The following TSHZ3 variants were observed in gnomAD, a reference collection of about 807,000 sequenced individuals.
TSHZ3 encodes the protein teashirt homolog 3.
Under a neutral mutation model 64.5 loss-of-function variants are expected in TSHZ3, and 10 were observed. The ratio of observed to expected loss-of-function variants is 0.16; its 90% CI spans 0.10 to 0.26. TSHZ3 has a LOEUF of 0.26. Among genes scored for constraint, TSHZ3 ranks in the 10% least tolerant of loss-of-function variants. The pLI, the probability that TSHZ3 is intolerant of heterozygous loss-of-function variation, is 1.00. For missense variants in TSHZ3, 1,242 were observed against 1,421.7 expected, an observed-to-expected ratio of 0.87 and a Z score of 2.03; for synonymous variants, 608 against 593.1, an observed-to-expected ratio of 1.03 and a Z score of -0.36.
At chr19:31,218,223 T>A (rs1464520311) in intron 4 of TSHZ3, among the ~76,000 whole-genome samples, 1 of 152,124 alleles carries the variant, frequency 6.6e-6, no homozygotes, top group African/African-American at 2.4e-5. Context: ...ACAATCCAGC[T>A]TAAAAATGGG....
At position 31,276,722 on chromosome 19, in the gene TSHZ3, G is replaced by C; in HGVS notation, c.3071C>G (p.Pro1024Arg). The C allele has an allele frequency of 6.2e-7, 1 of 1,613,346 alleles. No individual in the cohort carries two copies. Among genetic ancestry groups the C allele is most frequent in the Non-Finnish European group, 8.5e-7 (1 of 1,179,416 alleles). Residue 1024 changes from proline (P) to arginine (R), a missense_variant, in exon 2 of 2, where the codon CCG becomes CGG. Pro to Arg is a moderately radical substitution (Grantham distance 103). This residue lies in a region of TSHZ3 where 126 missense variants were observed against 140.6 expected (regional missense o/e 0.90). Transcript: ENST00000240587. ...INSQIAQTKS[P>R]SEKMVTSSPE... ...GGAGGACGTCACCATTTTTTCTGAC[G>C]GTGACTTGGTTTGTGCTATCTGACT...
chr19:31,301,156 C>T (rs1370312845), intron 1 of TSHZ3, among the ~76,000 whole-genome samples: 3 of 151,742 alleles, frequency 2.0e-5, no homozygotes, highest in Non-Finnish European at 4.4e-5. Context: ...TGGGTGGGGG[C>T]CTATGTGGGT....
rs79900845 is a variant in TSHZ3, at chr19:31,258,732, G to A, written n.64-15857C>T. On this transcript the variant is annotated intron_variant and non_coding_transcript_variant, in intron 1 of 6. Coordinates refer to the TSHZ3 transcript ENST00000651361. ...GGAAGAACTGATGCCTGAGATTCTC[G>A]GAGACTAGCTGTCAATCAATGTAGT... Among the ~76,000 whole-genome samples the A allele has an allele frequency of 9.7e-4, 148 of 152,224 alleles. 2 individuals carry two copies. The East Asian group carries it at 0.024, about 25-fold the overall frequency.
intron 1 of TSHZ3, among the ~76,000 whole-genome samples, chr19:31,326,686 A>G (rs1229542735): frequency 6.6e-6 from 1 of 152,240 alleles, no homozygotes; most frequent in Non-Finnish European, 1.5e-5. Flanking sequence ...TTAATTTCCA[A>G]GTAAGCAGCT....
chr19:31,195,417 G>A (rs1040119454), intron 5 of TSHZ3, among the ~76,000 whole-genome samples: 2 of 152,100 alleles, frequency 1.3e-5, no homozygotes, highest in African/African-American at 4.8e-5. Context: ...CTTAAACTAT[G>A]CCAGCAAGAA....
At chr19:31,151,329 G>A (rs140338572) in exon 7 of TSHZ3, among the ~76,000 whole-genome samples, 3 of 152,124 alleles carry the variant, frequency 2.0e-5, no homozygotes, top group African/African-American at 7.2e-5. Flanking sequence ...GGCCTGGCAA[G>A]CTTCTTTAAC....
intron 1 of TSHZ3, among the ~76,000 whole-genome samples, chr19:31,250,725 C>T (rs533806264): frequency 5.1e-4 from 77 of 152,318 alleles, no homozygotes; most frequent in African/African-American, 1.7e-3. Context: ...GCGCTGTCAT[C>T]TCATCTGTGA....
chr19:31,301,237 C>T (rs1444803444), intron 1 of TSHZ3, among the ~76,000 whole-genome samples: 1 of 152,026 alleles, frequency 6.6e-6, no homozygotes, highest in Non-Finnish European at 1.5e-5. Flanking sequence ...AGAGATGGGG[C>T]ATCCCCACCA....
intron 5 of TSHZ3, among the ~76,000 whole-genome samples, chr19:31,196,338 G>A (rs948821278): frequency 6.6e-6 from 1 of 151,886 alleles, no homozygotes; most frequent in Non-Finnish European, 1.5e-5. Context: ...ACTAAGAAAA[G>A]AGGGAAAATG....
intron 1 of TSHZ3, among the ~76,000 whole-genome samples, chr19:31,280,460 C>A (rs1371722390): frequency 6.6e-6 from 1 of 152,002 alleles, no homozygotes; most frequent in Non-Finnish European, 1.5e-5. Context: ...CAGCTACCAC[C>A]CAGCCCCCAG....
intron 3 of TSHZ3, among the ~76,000 whole-genome samples, chr19:31,240,655 A>G (rs1568356916): frequency 6.6e-6 from 1 of 152,180 alleles, no homozygotes. Context: ...GAAAACTGTT[A>G]TTAAGCAATT....
At chr19:31,252,704 C>T (rs1465134289) in intron 1 of TSHZ3, among the ~76,000 whole-genome samples, 1 of 152,346 alleles carries the variant, frequency 6.6e-6, no homozygotes, top group Non-Finnish European at 1.5e-5. Flanking sequence ...AAGTCCTCCC[C>T]AGCCATGCGG....
chr19:31,222,296 A>G (rs1363382129), intron 4 of TSHZ3, among the ~76,000 whole-genome samples: 2 of 152,206 alleles, frequency 1.3e-5, no homozygotes, highest in Non-Finnish European at 2.9e-5. Context: ...AATGAAACAC[A>G]TCCAGTATAT....
chr19:31,328,880 T>C (rs1916997461), intron 1 of TSHZ3, among the ~76,000 whole-genome samples: 1 of 152,214 alleles, frequency 6.6e-6, no homozygotes, highest in African/African-American at 2.4e-5. Flanking sequence ...AGATAAGCCA[T>C]GTCACATATC....
intron 5 of TSHZ3, among the ~76,000 whole-genome samples, chr19:31,199,341 T>C (rs1975038136): frequency 6.9e-6 from 1 of 145,904 alleles, no homozygotes; most frequent in African/African-American, 2.6e-5. Flanking sequence ...GAGGTGGAGG[T>C]TGCAGTGAGC....
At chr19:31,318,182 T>C (rs565510213) in intron 1 of TSHZ3, among the ~76,000 whole-genome samples, 1 of 152,334 alleles carries the variant, frequency 6.6e-6, no homozygotes, top group African/African-American at 2.4e-5. Flanking sequence ...TATCTTTGTG[T>C]TATTGTAATT....
At chr19:31,200,205 TCTCACTC>T (rs1432907116) in intron 5 of TSHZ3, among the ~76,000 whole-genome samples, 1 of 152,012 alleles carries the variant, frequency 6.6e-6, no homozygotes, top group Non-Finnish European at 1.5e-5. Context: ...CATCCTGCAA[TCTCACTC>T]CTTGGTATTT....
Position 31,349,229 on chromosome 19 carries a change from C to T in TSHZ3, c.-10G>A, listed in dbSNP as rs1187455746. 1 of 1,536,008 alleles carries T rather than the reference C, an allele frequency of 6.5e-7. No homozygotes were observed. The highest frequency in any genetic ancestry group is 1.4e-5 in the African/African-American group (1 of 71,318). On this transcript the variant is annotated 5_prime_UTR_variant, in exon 1 of 2. Coordinates refer to ENST00000240587, the MANE Select transcript of TSHZ3 (RefSeq NM_020856.4). The stretch of plus-strand genomic sequence containing the variant: ...GCTTCCTCCTCGGCATGATGCTTCT[C>T]CGGCGACTGCCACTGCCGCCGCCGC...
At chr19:31,343,057 A>C (rs1472742496) in intron 1 of TSHZ3, among the ~76,000 whole-genome samples, 1 of 152,160 alleles carries the variant, frequency 6.6e-6, no homozygotes, top group Non-Finnish European at 1.5e-5. Context: ...TACCCTTTAC[A>C]ATCCTTTATT....
Sources: gnomAD v4.1 joint callset for allele counts (sites outside exome capture counted in the v4.1 genomes callset) on GRCh38, gnomAD v4.1.1 for gene constraint, gnomAD v4.1.1 regional missense constraint, MANE v1.5 for transcripts, NCBI Gene and HGNC (gene_info 2026-07-23, HGNC 2026-07-21) for gene names.